Variants in ZNF398 observed in about 807,000 individuals in gnomAD.
The protein encoded by ZNF398 is zinc finger DNA binding protein ZER6.
A neutral mutation model predicts 41.9 loss-of-function variants in ZNF398; 18 were observed. The observed-to-expected ratio is 0.43, with a 90% CI of 0.30 to 0.64. ZNF398 has a LOEUF of 0.64. Among genes scored for constraint, ZNF398 ranks in the 30% least tolerant of loss-of-function variants. The pLI, the probability that ZNF398 is intolerant of heterozygous loss-of-function variation, is 0.14. For synonymous variants in ZNF398, 260 were observed against 308.8 expected (o/e 0.84, Z 1.66); for missense variants, 669 against 822.8 (o/e 0.81, Z 2.29).
intron 2 of ZNF398, among the ~76,000 whole-genome samples, chr7:149,158,760 G>T (rs2129520699): frequency 6.6e-6 from 1 of 150,424 alleles, no homozygotes; most frequent in African/African-American, 2.4e-5. Flanking sequence ...CTTGAACCCA[G>T]GAGGCAGAGG....
intron 2 of ZNF398, among the ~76,000 whole-genome samples, chr7:149,159,132 C>T (rs1312057266): frequency 6.6e-6 from 1 of 151,312 alleles, no homozygotes. Flanking sequence ...GTGTGTACCA[C>T]CACGCCTGGT....
At chr7:149,151,226 T>C (rs1415455332) in intron 1 of ZNF398, 8 of 1,226,692 alleles carry the variant, frequency 6.5e-6, no homozygotes, top group Non-Finnish European at 8.4e-6. Flanking sequence ...CTAATCTGCT[T>C]ACAGGAATGG....
intron 2 of ZNF398, among the ~76,000 whole-genome samples, chr7:149,139,098 C>T (rs142836540): frequency 0.01 from 1,589 of 152,194 alleles, 26 homozygotes; most frequent in African/African-American, 0.036. Context: ...TTAGTAGAGA[C>T]GGGGCTTCAC....
chr7:149,177,433 C>CT (rs1267948712), intron 5 of ZNF398, among the ~76,000 whole-genome samples: 5 of 151,194 alleles, frequency 3.3e-5, no homozygotes, highest in African/African-American at 1.2e-4. Flanking sequence ...GACCCTGTCT[C>CT]TAAAAAAAAG....
At position 149,179,723 on chromosome 7, in the gene ZNF398, T is replaced by G. The variant is rs1293111732; in HGVS notation, c.1851T>G (p.Thr617=). The G allele has an allele frequency of 6.2e-7, 1 of 1,614,026 alleles. No homozygotes were observed. The change falls in exon 6 of 6, where the codon ACT becomes ACG. Residue 617 remains threonine, a synonymous_variant. Coordinates refer to ENST00000475153, the MANE Select transcript of ZNF398 (RefSeq NM_170686.3). The surrounding 1 kb of genome is among the most constrained non-coding windows in gnomAD (Gnocchi z 6.1). ...GTCCCCTCATAACTGGGCTTGAAAC[T>G]TCTGGCCTGGGTGTCAACACTGAAG... ...PPGPLITGLE[T]SGLGVNTEGL...
intron 3 of ZNF398, among the ~76,000 whole-genome samples, chr7:149,166,582 C>G (rs7791496): frequency 0.54 from 81,989 of 152,116 alleles, 25,629 homozygotes; most frequent in East Asian, 0.9. Context: ...CACTGTCACT[C>G]TGAAAGCAGT....
rs1432462948 is a variant in ZNF398 at position 149,181,609 on chromosome 7, C to T, written c.*1808C>T. 6.6e-6 allele frequency: 1 copy of T among 152,204 alleles called. No homozygotes were observed. Among genetic ancestry groups the T allele is most frequent in the Non-Finnish European group, 1.5e-5 (1 of 68,036 alleles). The allele number at this position is 152,204 out of a possible 1,614,324, so 9.4% of individuals were successfully genotyped here. A position where few individuals can be genotyped will look rare whatever the true frequency, so the allele number is the denominator to read the frequency against. On this transcript the variant is annotated 3_prime_UTR_variant, in exon 6 of 6. Transcript: ENST00000475153. ...AACTTTGCTTCTGGGAAGGCTATGT[C>T]TGAACATGTTGCTCTGTAGGATAAT... is the stretch of plus-strand genomic sequence containing the variant.
At chr7:149,151,186 TTACC>T in intron 1 of ZNF398, 1 of 1,170,202 alleles carries the variant, frequency 8.5e-7, no homozygotes, top group Non-Finnish European at 1.1e-6. Context: ...TGACAGCAGT[TTACC>T]TGGTGATTTC....
At chr7:149,127,633 C>T (rs1444859920) in intron 1 of ZNF398, among the ~76,000 whole-genome samples, 1 of 150,160 alleles carries the variant, frequency 6.7e-6, no homozygotes, top group African/African-American at 2.5e-5. Flanking sequence ...GGGAGAGTGG[C>T]GTGAACCCGG....
At chr7:149,169,061 A>G (rs1032886835) in intron 4 of ZNF398, among the ~76,000 whole-genome samples, 1 of 152,256 alleles carries the variant, frequency 6.6e-6, no homozygotes, top group Non-Finnish European at 1.5e-5. Flanking sequence ...CAGCAAGTAC[A>G]AATGAATATA....
At chr7:149,146,641 G>A (rs1024644806), upstream of ZNF398, among the ~76,000 whole-genome samples, 1 of 151,778 alleles carries the variant, frequency 6.6e-6, no homozygotes, top group Non-Finnish European at 1.5e-5. Context: ...TTGAGGTCAG[G>A]AGTTTCAGAC....
chr7:149,179,876 C>T lies in ZNF398; in HGVS notation c.*75C>T. The T allele has an allele frequency of 7.7e-7, 1 of 1,300,742 alleles. No homozygotes were observed. Among genetic ancestry groups the T allele is most frequent in the Non-Finnish European group, 1.0e-6 (1 of 952,538 alleles). The allele number at this position is 1,300,742 out of a possible 1,614,324, so 80.6% of individuals were successfully genotyped here. A position where few individuals can be genotyped will look rare whatever the true frequency, so the allele number is the denominator to read the frequency against. Reference sequence around the variant, plus strand: ...AAATCCAAGAGAAGGTCTGTGAGCCCCATCCAACACCCACAGTAATTATTA... The same window carrying T: ...AAATCCAAGAGAAGGTCTGTGAGCCTCATCCAACACCCACAGTAATTATTA... On this transcript the variant is annotated 3_prime_UTR_variant, in exon 6 of 6. Coordinates refer to ENST00000475153, the MANE Select transcript of ZNF398 (RefSeq NM_170686.3). This position sits in a 1 kb window ranked among gnomAD's most constrained non-coding sequence, Gnocchi z 6.1.
chr7:149,144,788 C>T (rs1826899434), upstream of ZNF398, among the ~76,000 whole-genome samples: 1 of 151,948 alleles, frequency 6.6e-6, no homozygotes, highest in South Asian at 2.1e-4. Context: ...GGGGTTTCAC[C>T]GTGTTGTTCA....
intron 1 of ZNF398, among the ~76,000 whole-genome samples, chr7:149,128,248 GA>G (rs1826525581): frequency 6.6e-6 from 1 of 152,126 alleles, no homozygotes; most frequent in African/African-American, 2.4e-5. Flanking sequence ...GTTCTGTCAG[GA>G]AAGGCGGGAC....
chr7:149,174,174 G>C (rs1795415333), intron 4 of ZNF398, among the ~76,000 whole-genome samples: 1 of 152,158 alleles, frequency 6.6e-6, no homozygotes, highest in Non-Finnish European at 1.5e-5. Flanking sequence ...AGCTGCATCA[G>C]CCTGTAACAA....
At chr7:149,168,270 G>A (rs1403069073) in intron 4 of ZNF398, among the ~76,000 whole-genome samples, 1 of 151,890 alleles carries the variant, frequency 6.6e-6, no homozygotes, top group Non-Finnish European at 1.5e-5. Context: ...TAGAGACAGG[G>A]TTTCAGCATG....
chr7:149,134,098 C>G (rs908028743), intron 2 of ZNF398, among the ~76,000 whole-genome samples: 2 of 136,576 alleles, frequency 1.5e-5, no homozygotes, highest in Admixed American at 1.5e-4. Context: ...GAGTTTCGCT[C>G]TTGTTGCCCA....
chr7:149,169,739 AC>A lies in ZNF398; in HGVS notation c.661+2811del, dbSNP rs201129458. On this transcript the variant is annotated intron_variant, in intron 4 of 5. Coordinates refer to ENST00000475153, the MANE Select transcript of ZNF398 (RefSeq NM_170686.3). The stretch of plus-strand genomic sequence containing the variant: ...GGTGCTAGGGTTACAGGCCTGAGCC[AC>A]CACACCCAACCTCAGTACTTGTTTT... 1.5e-3 allele frequency among the ~76,000 whole-genome samples: 229 copies of A among 152,238 alleles called. 3 individuals carry two copies. In the East Asian group the frequency reaches 0.041, roughly 27 times the overall value.
intron 2 of ZNF398, among the ~76,000 whole-genome samples, chr7:149,133,678 T>TATATAC (rs1483673161): frequency 1.5e-5 from 1 of 67,024 alleles, no homozygotes; most frequent in African/African-American, 6.1e-5. Flanking sequence ...TATATATATA[T>TATATAC]ACATATATAT....
Sources: gnomAD v4.1 joint callset for allele counts (sites outside exome capture counted in the v4.1 genomes callset) on GRCh38, gnomAD v4.1.1 for gene constraint, Gnocchi (gnomAD v3.1) non-coding constraint, MANE v1.5 for transcripts, NCBI Gene and HGNC (gene_info 2026-07-23, HGNC 2026-07-21) for gene names.